Variants in ZNF91 observed in about 807,000 individuals in gnomAD.
ZNF91 encodes zinc finger protein 91 (HPF7, HTF10).
A neutral mutation model predicts 12.6 loss-of-function variants in ZNF91; 7 were observed. That is an observed-to-expected ratio of 0.55 (90% CI 0.31 to 1.04). The LOEUF (loss-of-function observed/expected upper bound fraction) is 1.04. Among genes scored for constraint, ZNF91 ranks in the 50% least tolerant of loss-of-function variants. The pLI, the probability that ZNF91 is intolerant of heterozygous loss-of-function variation, is 0.05. For missense variants in ZNF91, 1,217 were observed against 1,385.4 expected, an observed-to-expected ratio of 0.88 and a Z score of 1.93; for synonymous variants, 453 against 462.6, an observed-to-expected ratio of 0.98 and a Z score of 0.27.
intron 3 of ZNF91, among the ~76,000 whole-genome samples, chr19:23,349,286 G>A (rs1047096540): frequency 2.3e-4 from 35 of 152,016 alleles, no homozygotes; most frequent in African/African-American, 7.7e-4. Context: ...GCTTGGGGTC[G>A]CCATCATGGT....
intron 2 of ZNF91, 88 bp downstream of exon 2, chr19:23,374,550 A>G (rs1969427200): frequency 7.9e-7 from 1 of 1,273,662 alleles, no homozygotes; most frequent in African/African-American, 1.8e-5. Context: ...ACAGAGCAAG[A>G]CTCTGTCTCA....
chr19:23,370,300 C>T (rs1036145359), intron 3 of ZNF91, among the ~76,000 whole-genome samples: 43 of 151,264 alleles, frequency 2.8e-4, no homozygotes, highest in African/African-American at 1.0e-3. Flanking sequence ...AGTAACGAAA[C>T]GATAAATGTT....
rs1412931142 is a variant in ZNF91 at position 23,360,031 on chromosome 19, T to G, written c.2948A>C (p.Glu983Ala). ...KAFRKSSTLT[E>A]HKIIHTGEKP... ...CTCTCCAGTATGAATTATCTTATGT[T>G]CAGTAAGAGTTGAAGATTTCCTAAA... is the stretch of plus-strand genomic sequence containing the variant. Residue 983 changes from glutamate (E) to alanine (A), a missense_variant, in exon 4 of 4, where the codon GAA becomes GCA. Transcript: ENST00000300619. 1.2e-6 allele frequency: 2 copies of G among 1,610,678 alleles called. No homozygotes were observed. The highest frequency in any genetic ancestry group is 2.7e-5 in the African/African-American group (2 of 74,032).
In ZNF91 at chr19:23,360,351, A is replaced by G. The variant is rs757617488; in HGVS notation, c.2628T>C (p.His876=). ...SSNLTTHKII[H]TKEKPSKSEE... is the part of the protein sequence containing the mutation. ...CACTCTTGGAAGGTTTCTCTTTAGT[A>G]TGAATTATCTTATGTGTCGTAAGAT... is the stretch of plus-strand genomic sequence containing the variant. Residue 876 remains histidine, a synonymous_variant, in exon 4 of 4, where the codon CAT becomes CAC. Transcript: ENST00000300619. 12 of 1,613,952 alleles carry G rather than the reference A, an allele frequency of 7.4e-6. No individual in the cohort carries two copies. In the Admixed American group the frequency reaches 2.0e-4, roughly 27 times the overall value.
intron 3 of ZNF91, chr19:23,339,263 G>A (rs577171276): frequency 6.6e-6 from 1 of 152,094 alleles, no homozygotes; most frequent in South Asian, 2.1e-4. Flanking sequence ...TTAAAAAGCT[G>A]TAACAAAAAA....
intron 3 of ZNF91, among the ~76,000 whole-genome samples, chr19:23,351,715 T>C (rs1300811171): frequency 1.3e-5 from 2 of 152,188 alleles, no homozygotes; most frequent in African/African-American, 4.8e-5. Flanking sequence ...ATCTTGAGAA[T>C]GTATCTTCAA....
At chr19:23,395,213 G>T in intron 1 of ZNF91, 112 bp downstream of exon 1, 2 of 1,350,136 alleles carry the variant, frequency 1.5e-6, no homozygotes, top group Non-Finnish European at 2.1e-6. Context: ...GAGAACCCGG[G>T]CACGGATTGT....
intron 1 of ZNF91, chr19:23,324,146 TTC>T (rs926962490): frequency 6.0e-5 from 9 of 150,702 alleles, no homozygotes; most frequent in African/African-American, 2.2e-4. Flanking sequence ...TCTCGTCCTC[TTC>T]TCTTTTCCTC....
rs187061226 is a variant in ZNF91, at chr19:23,391,297, A to G, written c.30+4028T>C. Among the ~76,000 whole-genome samples the G allele has an allele frequency of 1.6e-3, 246 of 152,222 alleles. 1 individual carries two copies. The highest frequency in any genetic ancestry group is 5.8e-3 in the African/African-American group (240 of 41,546). ...CATAAAATACTTCTTAATCTAACTG[A>G]ACTTAAGTTTATTTTCTTCCCACAG... is the stretch of plus-strand genomic sequence containing the variant. On this transcript the variant is annotated intron_variant, in intron 1 of 3. Transcript: ENST00000300619.
chr19:23,382,530 T>G (rs1362645880), intron 1 of ZNF91, among the ~76,000 whole-genome samples: 2 of 152,192 alleles, frequency 1.3e-5, no homozygotes, highest in South Asian at 4.1e-4. Context: ...CAAATATTCC[T>G]AATAGGTATC....
downstream of ZNF91, among the ~76,000 whole-genome samples, chr19:23,355,996 A>G (rs1198145602): frequency 6.6e-6 from 1 of 152,184 alleles, no homozygotes; most frequent in Admixed American, 6.5e-5. Flanking sequence ...AGATCAAACA[A>G]CTAGATGTTG....
chr19:23,328,644 C>G (rs1380283911), intron 1 of ZNF91: 4 of 152,072 alleles, frequency 2.6e-5, no homozygotes, highest in African/African-American at 7.2e-5. Flanking sequence ...GTAAATAGAC[C>G]AGGTAGAAGG....
At chr19:23,395,175 G>T in intron 1 of ZNF91, 150 bp downstream of exon 1, 1 of 917,632 alleles carries the variant, frequency 1.1e-6, no homozygotes, top group Non-Finnish European at 1.7e-6. Context: ...TCTTATCGCT[G>T]AAGGGGACTG....
intron 1 of ZNF91, among the ~76,000 whole-genome samples, chr19:23,378,803 G>C (rs1207782628): frequency 2.0e-5 from 3 of 152,160 alleles, no homozygotes; most frequent in African/African-American, 7.2e-5. Context: ...TGCTAGTCTA[G>C]ACTAAAAGTT....
intron 3 of ZNF91, among the ~76,000 whole-genome samples, chr19:23,368,509 CATCTCTCT>C (rs1568391090): frequency 1.1e-5 from 1 of 88,110 alleles, no homozygotes; most frequent in African/African-American, 4.2e-5. Flanking sequence ...AGCGAAACTC[CATCTCTCT>C]CTCTCTCTCT....
Position 23,360,197 on chromosome 19 carries a change from G to A in ZNF91, c.2782C>T (p.His928Tyr). 1 of 1,613,904 alleles carries A rather than the reference G, an allele frequency of 6.2e-7. No individual in the cohort carries two copies. The highest frequency in any genetic ancestry group is 8.5e-7 in the Non-Finnish European group (1 of 1,179,986). Reference protein sequence around the residue: ...AFSQPSHLTTHKRMHTGEKPY... With the variant: ...AFSQPSHLTTYKRMHTGEKPY... ...TTCTCTCCAGTGTGCATCCTCTTAT[G>A]TGTAGTAAGGTGTGAAGGCTGGCTA... The change falls in exon 4 of 4, where the codon CAT becomes TAT. Residue 928 changes from histidine (H) to tyrosine (Y), a missense_variant. By Grantham distance (83) the His-to-Tyr change is moderately conservative (BLOSUM62 2). This residue lies in a region of ZNF91 where 491 missense variants were observed against 489.8 expected (regional missense o/e 1.00). Coordinates refer to ENST00000300619, the MANE Select transcript of ZNF91 (RefSeq NM_003430.4).
Position 23,361,297 on chromosome 19 carries a change from AG to A in ZNF91, c.1681del (p.Thr562LeufsTer5), listed in dbSNP as rs1568384934. 1 of 1,612,716 alleles carries A rather than the reference AG, an allele frequency of 6.2e-7. No individual in the cohort carries two copies. Among genetic ancestry groups the A allele is most frequent in the South Asian group, 1.1e-5 (1 of 91,006 alleles). Reference protein sequence around the residue: ...CGKAFKQFSTLTTHKIIHAGK... With the variant: ...CGKAFKQFSTXTTHKIIHAGK... The stretch of plus-strand genomic sequence containing the variant: ...AGCATGAATTATTTTATGTGTAGTA[AG>A]GGTTGAGAATTGCTTAAAAGCTTTG... On this transcript the variant is annotated frameshift_variant, in exon 4 of 4. Coordinates refer to ENST00000300619, the MANE Select transcript of ZNF91 (RefSeq NM_003430.4). LOFTEE classifies it low-confidence loss of function (END_TRUNC).
At chr19:23,364,212 G>C (rs957653531) in intron 3 of ZNF91, among the ~76,000 whole-genome samples, 13 of 152,122 alleles carry the variant, frequency 8.5e-5, no homozygotes, top group Non-Finnish European at 1.3e-4. Flanking sequence ...CCAGCTACTT[G>C]GGAGGCTAAG....
upstream of ZNF91, among the ~76,000 whole-genome samples, chr19:23,312,074 C>A (rs1457951134): frequency 6.6e-6 from 1 of 152,054 alleles, no homozygotes; most frequent in African/African-American, 2.4e-5. Flanking sequence ...TATACCATAT[C>A]CCTGGCTGAA....
Sources: gnomAD v4.1 joint callset for allele counts (sites outside exome capture counted in the v4.1 genomes callset) on GRCh38, gnomAD v4.1.1 for gene constraint, gnomAD v4.1.1 regional missense constraint, MANE v1.5 for transcripts, NCBI Gene and HGNC (gene_info 2026-07-23, HGNC 2026-07-21) for gene names.